SLC6A6: variants seen among roughly 807,000 people sequenced by gnomAD.
The protein encoded by SLC6A6 is sodium- and chloride-dependent taurine transporter.
Under a neutral mutation model 68.8 loss-of-function variants are expected in SLC6A6, and 16 were observed. The ratio of observed to expected loss-of-function variants is 0.23; its 90% CI spans 0.16 to 0.35. The LOEUF (loss-of-function observed/expected upper bound fraction) is 0.35, where lower values mean the gene tolerates loss of function less well. Ranked by LOEUF, SLC6A6 falls within the 10% of genes least tolerant of loss-of-function variation. The pLI is 1.00. For missense variants in SLC6A6, 474 were observed against 802.8 expected (o/e 0.59, Z 4.95); for synonymous variants, 312 against 315.4 (o/e 0.99, Z 0.12).
chr3:14,465,893 T>C (rs1700604880), intron 6 of SLC6A6, among the ~76,000 whole-genome samples: 1 of 152,220 alleles, frequency 6.6e-6, no homozygotes, highest in South Asian at 2.1e-4. Flanking sequence ...TTCTGTCTTA[T>C]CCACCACTGT....
In SLC6A6 at chr3:14,485,159, C is replaced by CGT. The variant is rs113673472; in HGVS notation, c.*169_*170dup. 0.021 allele frequency: 9,611 copies of CGT among 448,820 alleles called. 2 individuals are homozygous for CGT. The highest frequency in any genetic ancestry group is 0.1 in the East Asian group (2,383 of 23,612). 27.8% of individuals were successfully genotyped at this position (448,820 alleles called of 1,614,324 possible). A position where few individuals can be genotyped will look rare whatever the true frequency, so the allele number is the denominator to read the frequency against. ...ATGTAATTGTGGGTATGTGTGCGTG[C>CGT]GTGTGTGTGTGTGTGTGTATCGTGT... On this transcript the variant is annotated 3_prime_UTR_variant, in exon 15 of 15. Transcript: ENST00000622186.
rs1197619967 is a variant in SLC6A6, at chr3:14,450,966, C to A, written c.599+3150C>A. ...TACCTCAAATCCCACATCCAATTCACACATCTTCTTGGCTCCCCCTTCAGA... is the reference window on the plus strand; with the variant it reads ...TACCTCAAATCCCACATCCAATTCAAACATCTTCTTGGCTCCCCCTTCAGA... On this transcript the variant is annotated intron_variant, in intron 5 of 14. Coordinates refer to ENST00000622186, the MANE Select transcript of SLC6A6 (RefSeq NM_003043.6). This position sits in a 1 kb window ranked among gnomAD's most constrained non-coding sequence, Gnocchi z 4.1. 6.6e-6 allele frequency among the ~76,000 whole-genome samples: 1 copy of A among 152,240 alleles called. No homozygotes were observed. The highest frequency in any genetic ancestry group is 6.5e-5 in the Admixed American group (1 of 15,290).
chr3:14,442,734 A>G (rs1574935777), intron 2 of SLC6A6, among the ~76,000 whole-genome samples: 1 of 152,274 alleles, frequency 6.6e-6, no homozygotes, highest in Admixed American at 6.5e-5. Context: ...GTAACCATGA[A>G]CAGCTCCGGG....
intron 2 of SLC6A6, among the ~76,000 whole-genome samples, chr3:14,436,909 T>C (rs1318697663): frequency 6.6e-6 from 1 of 152,180 alleles, no homozygotes; most frequent in Admixed American, 6.5e-5. Flanking sequence ...TTTGCCTAGT[T>C]CCCCAGTTTG....
At chr3:14,454,399 A>G (rs945759791) in intron 5 of SLC6A6, among the ~76,000 whole-genome samples, 7 of 152,084 alleles carry the variant, frequency 4.6e-5, no homozygotes, top group Non-Finnish European at 1.0e-4. Context: ...ACGACACTCT[A>G]CAGTTTACTG....
intron 2 of SLC6A6, among the ~76,000 whole-genome samples, chr3:14,437,997 T>A (rs1195364112): frequency 1.2e-4 from 1 of 8,418 alleles, no homozygotes; most frequent in Non-Finnish European, 2.4e-4. Flanking sequence ...CTGGCTAATT[T>A]TTTTTTTTTT....
intron 2 of SLC6A6, among the ~76,000 whole-genome samples, chr3:14,428,012 T>A (rs1436152798): frequency 6.6e-6 from 1 of 152,136 alleles, no homozygotes; most frequent in Admixed American, 6.5e-5. Context: ...CTCCCCTAAC[T>A]GTATCCTAAG....
Position 14,403,124 on chromosome 3 carries a change from G to A in SLC6A6, c.-54+277G>A, listed in dbSNP as rs541129017. Among the ~76,000 whole-genome samples the A allele has an allele frequency of 1.2e-4, 16 of 133,100 alleles. No homozygotes were observed. In the East Asian group the frequency reaches 2.5e-3, roughly 21 times the overall value. The allele number at this position is 133,100 out of a possible 152,430, so 87.3% of individuals were successfully genotyped here. On this transcript the variant is annotated intron_variant, in intron 1 of 14. Transcript: ENST00000622186. ...TGTGTGTGTGTGTGTGTGTGTGTGT[G>A]GCATATCTGTGTGCCTGTCTCCGTC...
In SLC6A6 at chr3:14,468,101, C is replaced by T; in HGVS notation, c.985C>T (p.Leu329=). The change falls in exon 9 of 15, where the codon CTG becomes TTG. Residue 329 remains leucine, a synonymous_variant. Transcript: ENST00000622186. This position sits in a 1 kb window ranked among gnomAD's most constrained non-coding sequence, Gnocchi z 4.5. Reference sequence around the variant, plus strand: ...TGTGTAACTTAGGGACTGTATGCTGCTGGGATGCCTGAACAGTGGTACCAG... The same window carrying T: ...TGTGTAACTTAGGGACTGTATGCTGTTGGGATGCCTGAACAGTGGTACCAG... ...KYNSYRDCML[L]GCLNSGTSFV... is the part of the protein sequence containing the mutation. The T allele has an allele frequency of 6.2e-7, 1 of 1,614,186 alleles. No individual in the cohort carries two copies. The highest frequency in any genetic ancestry group is 8.5e-7 in the Non-Finnish European group (1 of 1,180,030).
chr3:14,472,566 C>T lies in SLC6A6; in HGVS notation c.1209+249C>T, dbSNP rs1462279826. Among the ~76,000 whole-genome samples the T allele has an allele frequency of 1.3e-5, 2 of 152,202 alleles. No homozygotes were observed. Among genetic ancestry groups the T allele is most frequent in the African/African-American group, 4.8e-5 (2 of 41,458 alleles). ...AACAAGACGTGGCATGGCACATTAT[C>T]TGCTAGCAGAGGGGCATCCAGAGGT... On this transcript the variant is annotated intron_variant, in intron 10 of 14. Coordinates refer to ENST00000622186, the MANE Select transcript of SLC6A6 (RefSeq NM_003043.6). This position sits in a 1 kb window ranked among gnomAD's most constrained non-coding sequence, Gnocchi z 4.5.
intron 2 of SLC6A6, among the ~76,000 whole-genome samples, chr3:14,418,084 T>G (rs1434703279): frequency 1.3e-5 from 2 of 152,232 alleles, no homozygotes; most frequent in Non-Finnish European, 1.5e-5. Flanking sequence ...ACCCTGAAAT[T>G]GAAGTTTCTC....
intron 6 of SLC6A6, among the ~76,000 whole-genome samples, chr3:14,458,999 G>A (rs1275785313): frequency 6.6e-6 from 1 of 152,256 alleles, no homozygotes; most frequent in Non-Finnish European, 1.5e-5. Flanking sequence ...GAGCTGAACT[G>A]TTCCCTGAAA....
chr3:14,454,824 G>T (rs897824097), intron 5 of SLC6A6, among the ~76,000 whole-genome samples: 4 of 152,226 alleles, frequency 2.6e-5, no homozygotes, highest in Non-Finnish European at 5.9e-5. Flanking sequence ...AATAGTGTGT[G>T]TGTATTCAAG....
At chr3:14,479,606 AG>A (rs1700962291) in intron 13 of SLC6A6, among the ~76,000 whole-genome samples, 3 of 152,160 alleles carry the variant, frequency 2.0e-5, no homozygotes, top group Non-Finnish European at 2.9e-5. Context: ...GAGAGGTCAT[AG>A]ACATTGGAAA....
intron 2 of SLC6A6, 105 bp from the exon 3 acceptor site, chr3:14,443,519 C>T (rs966181227): frequency 1.3e-5 from 10 of 776,484 alleles, no homozygotes; most frequent in African/African-American, 6.9e-5. Flanking sequence ...GCCACAGGCC[C>T]GGGCAGGTGG....
At chr3:14,449,031 G>C (rs1700195550) in intron 5 of SLC6A6, among the ~76,000 whole-genome samples, 1 of 152,222 alleles carries the variant, frequency 6.6e-6, no homozygotes, top group Admixed American at 6.5e-5. Flanking sequence ...CCTGTCTTTT[G>C]TGTGTGGTTT....
intron 5 of SLC6A6, among the ~76,000 whole-genome samples, chr3:14,451,042 C>A (rs1700240169): frequency 1.3e-5 from 2 of 152,328 alleles, no homozygotes; most frequent in South Asian, 4.1e-4. Flanking sequence ...CCCCATGGGA[C>A]CCCCATCACT....
chr3:14,452,119 A>G (rs1574945449), intron 5 of SLC6A6, among the ~76,000 whole-genome samples: 1 of 151,506 alleles, frequency 6.6e-6, no homozygotes, highest in Non-Finnish European at 1.5e-5. Flanking sequence ...GTCCCTGTTG[A>G]CCCTCCCTGC....
At chr3:14,459,101 C>T (rs1311846484) in intron 6 of SLC6A6, among the ~76,000 whole-genome samples, 1 of 152,140 alleles carries the variant, frequency 6.6e-6, no homozygotes, top group African/African-American at 2.4e-5. Flanking sequence ...GAACCCAGGG[C>T]CCTAAGCTAT....
Sources: allele counts gnomAD v4.1 joint callset (sites outside exome capture counted in the v4.1 genomes callset), GRCh38; gene constraint gnomAD v4.1.1; non-coding constraint Gnocchi (gnomAD v3.1); transcripts MANE v1.5; gene names NCBI Gene and HGNC (gene_info 2026-07-23, HGNC 2026-07-21).